The following INPP5J variants were observed in gnomAD, a reference collection of about 807,000 sequenced individuals.
The protein encoded by INPP5J is phosphatidylinositol 4,5-bisphosphate 5-phosphatase A.
INPP5J carries 75 observed loss-of-function variants against 86.6 expected under a neutral mutation model. The ratio of observed to expected loss-of-function variants is 0.87; its 90% CI spans 0.72 to 1.05. The LOEUF (loss-of-function observed/expected upper bound fraction) is 1.05, where lower values mean the gene tolerates loss of function less well. Among genes scored for constraint, INPP5J ranks in the 50% least tolerant of loss-of-function variants. The probability of loss-of-function intolerance (pLI) is 0.00; values close to 1 mark genes in which losing one functional copy is unlikely to be tolerated. For missense variants in INPP5J, 1,229 were observed against 1,341.2 expected (o/e 0.92, Z 1.31); for synonymous variants, 540 against 550.0 (o/e 0.98, Z 0.25).
chr22:31,125,805 C>A lies in INPP5J; in HGVS notation c.1066C>A (p.Pro356Thr). 6.3e-7 allele frequency: 1 copy of A among 1,589,232 alleles called. No homozygotes were observed. Reference protein sequence around the residue: ...RSPSRSPSHSPNRSPCVPPAP... With the variant: ...RSPSRSPSHSTNRSPCVPPAP... ...ACCCAGCCGTTCCCCAAGCCACTCC[C>A]CGAATCGCTCTCCCTGTGTTCCCCC... Residue 356 changes from proline (P) to threonine (T), a missense_variant, in exon 2 of 13, where the codon CCG (proline) becomes ACG (threonine). Transcript: ENST00000331075.
chr22:31,133,738 T>C (rs767144397), intron 12 of INPP5J, 24 bp downstream of exon 12: 15 of 1,594,664 alleles, frequency 9.4e-6, no homozygotes, highest in Non-Finnish European at 1.3e-5. Context: ...ACTGCTGGGC[T>C]GGGGGTGCCT....
chr22:31,132,450 C>G (rs1254208582), intron 9 of INPP5J, among the ~76,000 whole-genome samples: 1 of 152,140 alleles, frequency 6.6e-6, no homozygotes, highest in East Asian at 1.9e-4. Context: ...ATAAGAGTCT[C>G]TGAGTTTGGC....
intron 4 of INPP5J, 26 bp downstream of exon 4, chr22:31,126,747 A>G (rs909986757): frequency 6.3e-7 from 1 of 1,581,472 alleles, no homozygotes; most frequent in Non-Finnish European, 8.7e-7. Context: ...CCCCCTGGAC[A>G]GCCAGAGACC....
At position 31,128,669 on chromosome 22, in the gene INPP5J, C is replaced by T; in HGVS notation, c.2193+15C>T. 1.9e-6 allele frequency: 3 copies of T among 1,550,852 alleles called. No individual in the cohort carries two copies. The highest frequency in any genetic ancestry group is 4.5e-5 in the East Asian group (2 of 44,402). On this transcript the variant is annotated intron_variant, in intron 9 of 12. Transcript: ENST00000331075. ...TCCTCCTGCAGGTGAGTTCTGGCCT[C>T]ATCCTCCCCGCATGAAATCCCCAGG...
Position 31,125,591 on chromosome 22 carries a change from G to A in INPP5J, c.852G>A (p.Arg284=), listed in dbSNP as rs1212307375. 4 of 1,550,300 alleles carry A rather than the reference G, an allele frequency of 2.6e-6. No homozygotes were observed. The highest frequency in any genetic ancestry group is 3.5e-6 in the Non-Finnish European group (4 of 1,146,962). Residue 284 remains arginine (R), a synonymous_variant, in exon 2 of 13, where the codon CGG becomes CGA. Coordinates refer to ENST00000331075, the MANE Select transcript of INPP5J (RefSeq NM_001284285.2). The part of the protein sequence containing the change: ...DPRLSPSFRA[R]PEALHSSPED... ...GGCTCTCCCCCTCCTTCCGAGCCCG[G>A]CCTGAGGCCCTCCACAGCAGCCCTG...
chr22:31,125,031 G>T lies in INPP5J; in HGVS notation c.292G>T (p.Ala98Ser). The stretch of plus-strand genomic sequence containing the variant: ...GTGTACCCCTGAAGGGCAGAAAACA[G>T]CTACTGCCCACCGCAGCTCCAGCCT... Reference protein sequence around the residue: ...PLCTPEGQKTATAHRSSSLAP... With the variant: ...PLCTPEGQKTSTAHRSSSLAP... The change falls in exon 2 of 13, where the codon GCT becomes TCT. Residue 98 changes from alanine to serine, a missense_variant. Coordinates refer to ENST00000331075, the MANE Select transcript of INPP5J (RefSeq NM_001284285.2). 6.4e-7 allele frequency: 1 copy of T among 1,554,580 alleles called. No individual in the cohort carries two copies. The highest frequency in any genetic ancestry group is 8.7e-7 in the Non-Finnish European group (1 of 1,149,322).
chr22:31,122,847 G>T, upstream of INPP5J: 1 of 503,132 alleles, frequency 2.0e-6, no homozygotes, highest in South Asian at 3.4e-5. Flanking sequence ...CAGTTTGAAG[G>T]ATTCCCAGGG....
intron 12 of INPP5J, 39 bp from the exon 13 acceptor site, chr22:31,133,874 T>TGGGGAGCAGGGCGCCCC (rs1326427985): frequency 6.2e-7 from 1 of 1,600,104 alleles, no homozygotes; most frequent in Non-Finnish European, 8.5e-7. Context: ...GTGGCTGGGT[T>TGGGGAGCAGGGCGCCCC]GGGGAGCAGG....
At chr22:31,132,300 T>G (rs923132675) in intron 9 of INPP5J, among the ~76,000 whole-genome samples, 3 of 152,194 alleles carry the variant, frequency 2.0e-5, no homozygotes, top group Non-Finnish European at 2.9e-5. Flanking sequence ...AAATACCCAG[T>G]GCATCATAGG....
At chr22:31,130,274 G>A (rs917061756) in intron 9 of INPP5J, among the ~76,000 whole-genome samples, 2 of 152,214 alleles carry the variant, frequency 1.3e-5, no homozygotes, top group South Asian at 2.1e-4. Context: ...CTGGGAGGCA[G>A]AGGTTGCAGT....
rs1016833983 is a variant in INPP5J, at chr22:31,127,292, C to T, written c.1612-65C>T. On this transcript the variant is annotated intron_variant, in intron 5 of 12. Transcript: ENST00000331075. The stretch of plus-strand genomic sequence containing the variant: ...CCACCCACATCTCCTCTCTAACCCC[C>T]GCTCCCAGTGCCTCACCTCCTGGCC... The T allele has an allele frequency of 5.5e-5, 80 of 1,452,298 alleles. No individual in the cohort carries two copies. In the African/African-American group the frequency reaches 8.6e-4, roughly 16 times the overall value. 90.0% of individuals were successfully genotyped at this position (1,452,298 alleles called of 1,614,324 possible).
intron 1 of INPP5J, 114 bp from the exon 2 acceptor site, chr22:31,124,731 C>T (rs1921185442): frequency 1.2e-5 from 11 of 901,276 alleles, no homozygotes; most frequent in South Asian, 1.1e-4. Context: ...GGAAGAACTT[C>T]CTTGGAAAGA....
chr22:31,133,827 CCAA>C, intron 12 of INPP5J, 83 bp from the exon 13 acceptor site: 2 of 1,596,252 alleles, frequency 1.3e-6, no homozygotes, highest in Non-Finnish European at 1.7e-6. Context: ...CCAAGATCTG[CCAA>C]CGAGAGAGGC....
At chr22:31,122,950 G>C (rs866719321), upstream of INPP5J, 14 of 1,103,562 alleles carry the variant, frequency 1.3e-5, no homozygotes, top group Middle Eastern at 1.7e-3. Flanking sequence ...TGACATCACT[G>C]GTTCCCGGGA....
intron 6 of INPP5J, 23 bp from the exon 7 acceptor site, chr22:31,127,928 C>T: frequency 7.4e-7 from 1 of 1,356,992 alleles, no homozygotes; most frequent in East Asian, 2.4e-5. Context: ...CCCCACATCT[C>T]TCCCATCCCC....
rs200731160 is a variant in INPP5J at position 31,125,008 on chromosome 22, G to C, written c.269G>C (p.Cys90Ser). 1,425 of 1,568,930 alleles carry C rather than the reference G, an allele frequency of 9.1e-4. 6 individuals are homozygous for C. Among genetic ancestry groups the C allele is most frequent in the Middle Eastern group, 7.3e-3 (44 of 6,010 alleles). Residue 90 changes from cysteine (C) to serine (S), a missense_variant, in exon 2 of 13, where the codon TGT (cysteine) becomes TCT (serine). Transcript: ENST00000331075. The stretch of plus-strand genomic sequence containing the variant: ...CCCCGACCAATCCTGGCTCCACTGT[G>C]TACCCCTGAAGGGCAGAAAACAGCT... ...ASPRPILAPL[C>S]TPEGQKTATA...
rs374025696 is a variant in INPP5J, at chr22:31,128,374, G to A, written c.2009+51G>A. The A allele has an allele frequency of 9.1e-5, 143 of 1,564,658 alleles. 3 individuals are homozygous for A. The South Asian group carries it at 1.5e-3, about 17-fold the overall frequency. Reference sequence around the variant, plus strand: ...AGGGGAAGTGGGCTGAGGTCTTCTCGAACAGGGAGACTTTGGGAAGAGGGG... The same window carrying A: ...AGGGGAAGTGGGCTGAGGTCTTCTCAAACAGGGAGACTTTGGGAAGAGGGG... On this transcript the variant is annotated intron_variant, in intron 8 of 12. Transcript: ENST00000331075.
intron 1 of INPP5J, among the ~76,000 whole-genome samples, chr22:31,124,522 G>C (rs1038498749): frequency 6.6e-6 from 1 of 152,202 alleles, no homozygotes; most frequent in Admixed American, 6.5e-5. Context: ...TGCCCCGAAT[G>C]GGCAGGGTGT....
Position 31,126,683 on chromosome 22 carries a change from C to CTGTT in INPP5J, c.1457_1460dup (p.Met488ValfsTer53). The CTGTT allele has an allele frequency of 6.2e-7, 1 of 1,613,946 alleles. No homozygotes were observed. Among genetic ancestry groups the CTGTT allele is most frequent in the Non-Finnish European group, 8.5e-7 (1 of 1,179,808 alleles). The stretch of plus-strand genomic sequence containing the variant: ...CCTCTTCACGGACCAGTGGAGTGAG[C>CTGTT]TGTTCATGGATGCGCTAGGGCCCTT... On this transcript the variant is annotated frameshift_variant, in exon 4 of 13. Coordinates refer to ENST00000331075, the MANE Select transcript of INPP5J (RefSeq NM_001284285.2). LOFTEE classifies it high-confidence loss of function.
Sources: allele counts gnomAD v4.1 joint callset (sites outside exome capture counted in the v4.1 genomes callset), GRCh38; gene constraint gnomAD v4.1.1; transcripts MANE v1.5; gene names NCBI Gene and HGNC (gene_info 2026-07-23, HGNC 2026-07-21).